ARHGAP32: variants seen among roughly 807,000 people sequenced by gnomAD.
ARHGAP32 encodes rho GTPase-activating protein 32.
A neutral mutation model predicts 186.5 loss-of-function variants in ARHGAP32; 51 were observed. The ratio of observed to expected loss-of-function variants is 0.27; its 90% confidence interval spans 0.22 to 0.35. The LOEUF is 0.35. Ranked by LOEUF, ARHGAP32 falls within the 10% of genes least tolerant of loss-of-function variation. ARHGAP32 has a pLI of 1.00. For synonymous variants in ARHGAP32, 950 were observed against 964.3 expected, an observed-to-expected ratio of 0.99 and a Z score of 0.27; for missense variants, 2,186 against 2,623.5, an observed-to-expected ratio of 0.83 and a Z score of 3.64.
chr11:129,203,522 A>G (rs1302899456), intron 1 of ARHGAP32, among the ~76,000 whole-genome samples: 2 of 150,542 alleles, frequency 1.3e-5, no homozygotes, highest in African/African-American at 5.0e-5. Context: ...TAATTAAGGT[A>G]AAAGTATAGT....
At chr11:129,145,043 C>G (rs1943139711) in intron 2 of ARHGAP32, among the ~76,000 whole-genome samples, 1 of 152,140 alleles carries the variant, frequency 6.6e-6, no homozygotes, top group Non-Finnish European at 1.5e-5. Flanking sequence ...AACTGAGATT[C>G]ATCCTTTCCT....
Position 128,973,204 on chromosome 11 carries a change from G to C in ARHGAP32, c.3302C>G (p.Ser1101Cys). 1.2e-6 allele frequency: 2 copies of C among 1,614,180 alleles called. No individual in the cohort carries two copies. Among genetic ancestry groups the C allele is most frequent in the South Asian group, 1.1e-5 (1 of 91,076 alleles). ...VATTEDNLSS[S>C]YSAVALDKAY... ...CTTATCTAGAGCAACTGCAGAGTAA[G>C]AACTGGACAGATTATCTTCAGTTGT... The change falls in exon 22 of 23, where the codon TCT (serine) becomes TGT (cysteine). Residue 1101 changes from serine to cysteine, a missense_variant. Ser to Cys is a moderately radical substitution (Grantham distance 112). Transcript: ENST00000682385.
chr11:129,133,930 ACTGT>A (rs1226838248), intron 2 of ARHGAP32, among the ~76,000 whole-genome samples: 4 of 152,236 alleles, frequency 2.6e-5, no homozygotes, highest in Non-Finnish European at 4.4e-5. Flanking sequence ...AAATTATAAA[ACTGT>A]CTGATGAAAG....
chr11:129,136,293 C>T (rs1304580841), intron 2 of ARHGAP32, among the ~76,000 whole-genome samples: 1 of 152,176 alleles, frequency 6.6e-6, no homozygotes, highest in African/African-American at 2.4e-5. Context: ...GGCACAAAAA[C>T]TACATATTGC....
intron 1 of ARHGAP32, among the ~76,000 whole-genome samples, chr11:129,267,754 T>C (rs1277615468): frequency 6.6e-6 from 1 of 152,218 alleles, no homozygotes; most frequent in Non-Finnish European, 1.5e-5. Context: ...AGAAGGTTTA[T>C]TTGGTGCACA....
intron 11 of ARHGAP32, among the ~76,000 whole-genome samples, chr11:129,028,435 G>T (rs139452502): frequency 8.6e-4 from 131 of 152,216 alleles, no homozygotes; most frequent in African/African-American, 3.1e-3. Context: ...AGATAAGTTA[G>T]TTCCACTATT....
intron 1 of ARHGAP32, among the ~76,000 whole-genome samples, chr11:129,224,181 T>C (rs1285017590): frequency 2.6e-5 from 4 of 152,218 alleles, no homozygotes; most frequent in African/African-American, 9.6e-5. Flanking sequence ...ACCATCCACA[T>C]TCTGTCATGG....
intron 11 of ARHGAP32, among the ~76,000 whole-genome samples, chr11:129,034,743 AAG>A (rs1555076849): frequency 2.7e-5 from 4 of 149,362 alleles, no homozygotes; most frequent in East Asian, 1.9e-4. Context: ...AAAAAAAAAA[AAG>A]AGAGAGAGAA....
intron 10 of ARHGAP32, among the ~76,000 whole-genome samples, chr11:129,047,129 C>CA (rs370486338): frequency 0.47 from 59,166 of 126,976 alleles, 12,488 homozygotes; most frequent in Middle Eastern, 0.6. Flanking sequence ...GACTCCGTCT[C>CA]AAAAAAAAAA....
At chr11:129,016,379 T>C (rs1022652891) in intron 11 of ARHGAP32, among the ~76,000 whole-genome samples, 10 of 152,222 alleles carry the variant, frequency 6.6e-5, no homozygotes, top group Non-Finnish European at 1.2e-4. Flanking sequence ...TCAAGAGATT[T>C]TCCTTATAAG....
upstream of ARHGAP32, among the ~76,000 whole-genome samples, chr11:129,194,092 T>C (rs1006080831): frequency 3.9e-5 from 6 of 152,064 alleles, no homozygotes; most frequent in Non-Finnish European, 8.8e-5. Context: ...GCAAAGCTTT[T>C]AAAAGGTTTT....
At chr11:128,976,511 T>C in intron 20 of ARHGAP32, 52 bp downstream of exon 20, 1 of 1,408,242 alleles carries the variant, frequency 7.1e-7, no homozygotes, top group South Asian at 1.2e-5. Context: ...AATTGCAGTA[T>C]TCCTTTATGC....
chr11:129,243,825 CCCA>C (rs1458639851), intron 1 of ARHGAP32, among the ~76,000 whole-genome samples: 1 of 152,162 alleles, frequency 6.6e-6, no homozygotes, highest in Non-Finnish European at 1.5e-5. Context: ...CTTCTCCACC[CCCA>C]CAAGCCCAAA....
chr11:129,163,250 T>C (rs983858651), intron 2 of ARHGAP32, among the ~76,000 whole-genome samples: 6 of 152,318 alleles, frequency 3.9e-5, no homozygotes, highest in East Asian at 3.9e-4. Flanking sequence ...CACTGATAGA[T>C]GAATGTTTCC....
intron 2 of ARHGAP32, among the ~76,000 whole-genome samples, chr11:129,139,087 T>C (rs1942994878): frequency 6.6e-6 from 1 of 152,144 alleles, no homozygotes; most frequent in Admixed American, 6.5e-5. Flanking sequence ...TTTCTAAGAC[T>C]GAAAACAATG....
intron 1 of ARHGAP32, 44 bp downstream of exon 1, chr11:129,192,039 G>A (rs766702363): frequency 7.2e-7 from 1 of 1,380,650 alleles, no homozygotes; most frequent in Non-Finnish European, 1.0e-6. Flanking sequence ...GCGGGTGGGG[G>A]TAGGGAGTGG....
intron 5 of ARHGAP32, among the ~76,000 whole-genome samples, chr11:129,108,263 T>G (rs1426358513): frequency 6.6e-6 from 1 of 152,060 alleles, no homozygotes; most frequent in African/African-American, 2.4e-5. Flanking sequence ...GAGACTCACT[T>G]TAGAGCCAAA....
intron 10 of ARHGAP32, among the ~76,000 whole-genome samples, chr11:129,046,585 G>A (rs1939816677): frequency 6.6e-6 from 1 of 152,086 alleles, no homozygotes; most frequent in Non-Finnish European, 1.5e-5. Context: ...TCTACCTTGG[G>A]GAATACTCAG....
chr11:129,177,111 A>G (rs1416735684), intron 1 of ARHGAP32, among the ~76,000 whole-genome samples: 1 of 151,770 alleles, frequency 6.6e-6, no homozygotes, highest in Non-Finnish European at 1.5e-5. Flanking sequence ...GGATATCACC[A>G]CCGATCCCAC....
Sources: allele counts gnomAD v4.1 joint callset (sites outside exome capture counted in the v4.1 genomes callset), GRCh38; gene constraint gnomAD v4.1.1; transcripts MANE v1.5; gene names NCBI Gene and HGNC (gene_info 2026-07-23, HGNC 2026-07-21).